Variants in PRKAR1A observed in about 807,000 individuals in gnomAD.
The protein encoded by PRKAR1A is protein kinase cAMP-dependent type I regulatory subunit alpha, also known as cAMP-dependent protein kinase type I-alpha regulatory subunit.
A neutral mutation model predicts 52.0 loss-of-function variants in PRKAR1A; 3 were observed. The ratio of observed to expected loss-of-function variants is 0.06; its 90% CI spans 0.03 to 0.15. The LOEUF (loss-of-function observed/expected upper bound fraction) is 0.15, where lower values mean the gene tolerates loss of function less well. Among genes scored for constraint, PRKAR1A ranks in the 10% least tolerant of loss-of-function variants. The probability of loss-of-function intolerance (pLI) is 1.00; values close to 1 mark genes in which losing one functional copy is unlikely to be tolerated. For synonymous variants in PRKAR1A, 188 were observed against 168.4 expected, an observed-to-expected ratio of 1.12 and a Z score of -0.90; for missense variants, 240 against 477.4, an observed-to-expected ratio of 0.50 and a Z score of 4.63.
At chr17:68,508,542 G>C (rs752621470), upstream of PRKAR1A, among the ~76,000 whole-genome samples, 19 of 152,148 alleles carry the variant, frequency 1.2e-4, no homozygotes, top group Non-Finnish European at 2.2e-4. Context: ...GGGAGTCGGG[G>C]AGCAAGGATT....
At chr17:68,430,193 GGGC>G in the PRKAR1A span, 3 of 1,585,272 alleles carry the variant, frequency 1.9e-6, no homozygotes, top group Non-Finnish European at 2.6e-6. Flanking sequence ...CGATGGGACT[GGGC>G]TGCAGGCCCC....
the PRKAR1A span, among the ~76,000 whole-genome samples, chr17:68,478,670 C>T: frequency 3.9e-4 from 58 of 150,334 alleles, no homozygotes; most frequent in Non-Finnish European, 6.9e-4. Flanking sequence ...TCAGAACTTT[C>T]ATAATACTAG....
At chr17:68,489,230 G>GA in the PRKAR1A span, among the ~76,000 whole-genome samples, 1 of 9,640 alleles carries the variant, frequency 1.0e-4, no homozygotes, top group Non-Finnish European at 1.7e-4. Context: ...ATATATATAT[G>GA]GAAAGTATAT....
the PRKAR1A span, among the ~76,000 whole-genome samples, chr17:68,434,782 A>G: frequency 0.34 from 51,245 of 152,080 alleles, 8,895 homozygotes; most frequent in Admixed American, 0.47. Context: ...TATGTGCCAT[A>G]TCAACAATTC....
downstream of PRKAR1A, among the ~76,000 whole-genome samples, chr17:68,534,560 C>CTTTTTTTTTTTTTTTTTTTTCT (rs34994040): frequency 1.8e-5 from 2 of 111,054 alleles, no homozygotes; most frequent in Non-Finnish European, 3.7e-5. Flanking sequence ...TTTTTAGTGC[C>CTTTTTTTTTTTTTTTTTTTTCT]TTTTTTTTTT....
chr17:68,463,764 G>A, the PRKAR1A span, among the ~76,000 whole-genome samples: 1 of 152,164 alleles, frequency 6.6e-6, no homozygotes, highest in Admixed American at 6.5e-5. Flanking sequence ...AGGGCCGCTG[G>A]AGTGGGGAGA....
chr17:68,514,037 T>A (rs2085352807), intron 1 of PRKAR1A, among the ~76,000 whole-genome samples: 1 of 152,270 alleles, frequency 6.6e-6, no homozygotes, highest in African/African-American at 2.4e-5. Flanking sequence ...GTGGCTTGTA[T>A]AAATCTATCC....
chr17:68,500,265 C>G, the PRKAR1A span, among the ~76,000 whole-genome samples: 254 of 152,258 alleles, frequency 1.7e-3, no homozygotes, highest in African/African-American at 6.0e-3. Context: ...TGGGAGGGAC[C>G]AGGTGGGAGA....
At chr17:68,437,948 T>TAAA in the PRKAR1A span, among the ~76,000 whole-genome samples, 4 of 78,800 alleles carry the variant, frequency 5.1e-5, no homozygotes, top group South Asian at 5.6e-4. Context: ...ACATCTCTCT[T>TAAA]AAAAAAAAAA....
chr17:68,539,325 A>G (rs1477117533), intron 11 of PRKAR1A: 1 of 1,614,144 alleles, frequency 6.2e-7, no homozygotes, highest in Non-Finnish European at 8.5e-7. Flanking sequence ...TATCTGCTGC[A>G]GGAAAACTTA....
the PRKAR1A span, among the ~76,000 whole-genome samples, chr17:68,416,556 T>TA: frequency 6.6e-6 from 1 of 152,216 alleles, no homozygotes; most frequent in Non-Finnish European, 1.5e-5. Flanking sequence ...TTCCCCCAAA[T>TA]ATGTTTTCCA....
the PRKAR1A span, among the ~76,000 whole-genome samples, chr17:68,500,839 C>A: frequency 6.6e-5 from 10 of 152,142 alleles, no homozygotes; most frequent in Middle Eastern, 3.4e-3. Context: ...TTATCAGCAG[C>A]ATGAAAATGG....
At chr17:68,503,839 G>T in the PRKAR1A span, among the ~76,000 whole-genome samples, 1 of 152,028 alleles carries the variant, frequency 6.6e-6, no homozygotes, top group South Asian at 2.1e-4. Flanking sequence ...CTACAATGAG[G>T]TATCATAGCA....
chr17:68,523,584 C>A (rs150405748), intron 3 of PRKAR1A, 141 bp from the exon 4 acceptor site: 2 of 698,558 alleles, frequency 2.9e-6, no homozygotes, highest in Admixed American at 4.2e-5. Context: ...AAAGATAGTA[C>A]AAGTGTGTTG....
At position 68,531,463 on chromosome 17, in the gene PRKAR1A, A is replaced by G. The variant is rs886053311; in HGVS notation, c.*1014A>G. The G allele has an allele frequency of 1.9e-4, 202 of 1,066,132 alleles. No homozygotes were observed. In the Middle Eastern group the frequency reaches 2.9e-3, roughly 15 times the overall value. 66.0% of individuals were successfully genotyped at this position (1,066,132 alleles called of 1,614,324 possible). On this transcript the variant is annotated 3_prime_UTR_variant, in exon 11 of 11. Coordinates refer to ENST00000589228, the MANE Select transcript of PRKAR1A (RefSeq NM_002734.5). ...AAATAGAGGTGATGCTGCTAAAGGG[A>G]GAAATGCCAGGCGGACAAAGTTCAG... is the stretch of plus-strand genomic sequence containing the variant.
At chr17:68,500,595 C>T in the PRKAR1A span, among the ~76,000 whole-genome samples, 93 of 151,630 alleles carry the variant, frequency 6.1e-4, no homozygotes, top group Admixed American at 4.1e-3. Flanking sequence ...CTCACTGCAA[C>T]GTACACCACC....
chr17:68,419,707 C>T, the PRKAR1A span, among the ~76,000 whole-genome samples: 77 of 152,032 alleles, frequency 5.1e-4, no homozygotes, highest in African/African-American at 1.6e-3. Flanking sequence ...TGCTGATAAT[C>T]CCAGCATTTT....
chr17:68,490,442 T>C, the PRKAR1A span, among the ~76,000 whole-genome samples: 1 of 152,228 alleles, frequency 6.6e-6, no homozygotes, highest in African/African-American at 2.4e-5. Flanking sequence ...TCCTTTTTCT[T>C]AGCCCTGTCC....
the PRKAR1A span, among the ~76,000 whole-genome samples, chr17:68,454,396 T>A: frequency 2.6e-5 from 4 of 152,170 alleles, no homozygotes; most frequent in East Asian, 7.7e-4. Flanking sequence ...AAAGAGAAGG[T>A]CACATGATTT....
Sources: gnomAD v4.1 joint callset for allele counts (sites outside exome capture counted in the v4.1 genomes callset) on GRCh38, gnomAD v4.1.1 for gene constraint, MANE v1.5 for transcripts, NCBI Gene and HGNC (gene_info 2026-07-23, HGNC 2026-07-21) for gene names.